Variants in GALNT13 observed in about 807,000 individuals in gnomAD.
The protein encoded by GALNT13 is polypeptide N-acetylgalactosaminyltransferase 13, also known as UDP-GalNAc:polypeptide N-acetylgalactosaminyltransferase 13.
A neutral mutation model predicts 64.2 loss-of-function variants in GALNT13; 28 were observed. The ratio of observed to expected loss-of-function variants is 0.44; its 90% CI spans 0.32 to 0.60. The LOEUF (loss-of-function observed/expected upper bound fraction) is 0.60, where lower values mean the gene tolerates loss of function less well. GALNT13 is among the 20% of genes least tolerant of loss of function. GALNT13 has a pLI of 0.05. For missense variants in GALNT13, 577 were observed against 669.8 expected, an observed-to-expected ratio of 0.86 and a Z score of 1.53; for synonymous variants, 214 against 224.6, an observed-to-expected ratio of 0.95 and a Z score of 0.42.
At chr2:154,102,759 T>G (rs936157427) in intron 3 of GALNT13, among the ~76,000 whole-genome samples, 1 of 152,196 alleles carries the variant, frequency 6.6e-6, no homozygotes, top group Non-Finnish European at 1.5e-5. Context: ...TAATATTGTC[T>G]TGCTGTCTCT....
the GALNT13 span, among the ~76,000 whole-genome samples, chr2:153,674,410 C>T: frequency 0.019 from 2,933 of 152,122 alleles, 47 homozygotes; most frequent in Middle Eastern, 0.048. Context: ...CATCTACAAC[C>T]GTCTGATCTT....
the GALNT13 span, among the ~76,000 whole-genome samples, chr2:153,693,379 T>C: frequency 3.3e-5 from 5 of 152,126 alleles, no homozygotes; most frequent in African/African-American, 9.7e-5. Flanking sequence ...TGTCAATGGG[T>C]TTTACCCTTC....
At chr2:153,260,501 G>A in the GALNT13 span, among the ~76,000 whole-genome samples, 3 of 152,086 alleles carry the variant, frequency 2.0e-5, no homozygotes, top group Non-Finnish European at 4.4e-5. Context: ...TTTTCCTTCA[G>A]TGCATTAAAT....
chr2:153,925,543 C>CT (rs1199426607), intron 2 of GALNT13, among the ~76,000 whole-genome samples: 1 of 131,920 alleles, frequency 7.6e-6, no homozygotes, highest in Non-Finnish European at 1.6e-5. Flanking sequence ...TATTTGAGCT[C>CT]TTTTTTGGTT....
chr2:154,380,570 A>G (rs144300932), intron 9 of GALNT13, among the ~76,000 whole-genome samples: 3 of 152,168 alleles, frequency 2.0e-5, no homozygotes, highest in South Asian at 2.1e-4. Context: ...AGATTTTCAT[A>G]AGATGAAAAA....
chr2:154,216,452 G>A lies in GALNT13; in HGVS notation c.312-25578G>A, dbSNP rs113306687. Among the ~76,000 whole-genome samples the A allele has an allele frequency of 6.7e-3, 1,020 of 152,074 alleles. 8 individuals are homozygous for A. The highest frequency in any genetic ancestry group is 0.024 in the African/African-American group (986 of 41,484). On this transcript the variant is annotated intron_variant, in intron 4 of 12. Transcript: ENST00000392825. Reference sequence around the variant, plus strand: ...TTGGTGAAGATGTAGTTGTTTTATAGATCCCATTTTCTCAATACGAAGCAA... The same window carrying A: ...TTGGTGAAGATGTAGTTGTTTTATAAATCCCATTTTCTCAATACGAAGCAA...
the GALNT13 span, among the ~76,000 whole-genome samples, chr2:153,634,235 A>G: frequency 5.9e-5 from 9 of 152,166 alleles, no homozygotes; most frequent in Non-Finnish European, 1.2e-4. Flanking sequence ...CTAAGAAAAT[A>G]AGCATAAGTA....
the GALNT13 span, among the ~76,000 whole-genome samples, chr2:153,533,416 T>C: frequency 6.6e-6 from 1 of 151,982 alleles, no homozygotes; most frequent in South Asian, 2.1e-4. Context: ...CACGTCCAGC[T>C]AATTTTTGTA....
At chr2:153,883,619 T>C (rs1480039742) in intron 1 of GALNT13, among the ~76,000 whole-genome samples, 1 of 152,050 alleles carries the variant, frequency 6.6e-6, no homozygotes, top group Non-Finnish European at 1.5e-5. Flanking sequence ...GTGAACAAAT[T>C]GTGTTGTTTC....
intron 4 of GALNT13, among the ~76,000 whole-genome samples, chr2:154,180,126 A>G (rs1284469006): frequency 6.6e-6 from 1 of 152,154 alleles, no homozygotes; most frequent in African/African-American, 2.4e-5. Flanking sequence ...CATAATACAG[A>G]TGGCATTGTA....
intron 4 of GALNT13, among the ~76,000 whole-genome samples, chr2:154,200,394 G>T (rs1687111665): frequency 6.6e-6 from 1 of 152,072 alleles, no homozygotes; most frequent in Admixed American, 6.6e-5. Flanking sequence ...TAGAAGAAAT[G>T]CCACTACATT....
chr2:153,635,454 G>GTATATATATATATACATA, the GALNT13 span, among the ~76,000 whole-genome samples: 1 of 145,544 alleles, frequency 6.9e-6, no homozygotes, highest in Non-Finnish European at 1.5e-5. Flanking sequence ...ACATATATAT[G>GTATATATATATATACATA]TATATGTGTA....
intron 3 of GALNT13, among the ~76,000 whole-genome samples, chr2:154,015,290 A>C (rs928472610): frequency 6.6e-6 from 1 of 152,230 alleles, no homozygotes; most frequent in Non-Finnish European, 1.5e-5. Flanking sequence ...TATTTGAAAA[A>C]ATAGCAATAT....
At chr2:153,196,905 C>T in the GALNT13 span, among the ~76,000 whole-genome samples, 8 of 152,198 alleles carry the variant, frequency 5.3e-5, no homozygotes, top group Non-Finnish European at 1.2e-4. Context: ...GCTCGTACCT[C>T]CCCACTGCAG....
At position 154,050,115 on chromosome 2, in the gene GALNT13, G is replaced by A. The variant is rs567625858; in HGVS notation, c.143-90222G>A. Among the ~76,000 whole-genome samples the A allele has an allele frequency of 1.1e-4, 17 of 152,096 alleles. No individual in the cohort carries two copies. The East Asian group carries it at 3.3e-3, about 29-fold the overall frequency. ...CTCTTTGTCCTGATTGTTTTATATA[G>A]TCAACATTGAAACTGAGAATAGAGA... On this transcript the variant is annotated intron_variant, in intron 3 of 12. Transcript: ENST00000392825.
At chr2:153,521,756 C>G in the GALNT13 span, among the ~76,000 whole-genome samples, 2 of 152,156 alleles carry the variant, frequency 1.3e-5, no homozygotes, top group East Asian at 3.9e-4. Flanking sequence ...ATAGTTTTAC[C>G]TTTCCTAGAA....
intron 1 of GALNT13, among the ~76,000 whole-genome samples, chr2:153,885,277 A>G (rs528632402): frequency 1.3e-5 from 2 of 152,002 alleles, no homozygotes; most frequent in Non-Finnish European, 2.9e-5. Context: ...CTTCTTAACA[A>G]TGATCTTCAG....
intron 11 of GALNT13, among the ~76,000 whole-genome samples, chr2:154,424,580 C>A (rs1700392241): frequency 6.6e-6 from 1 of 152,022 alleles, no homozygotes; most frequent in Non-Finnish European, 1.5e-5. Context: ...ACATTAAATT[C>A]TGCTCCCTGG....
chr2:153,882,369 C>CT lies in GALNT13; in HGVS notation c.-177+10067dup, dbSNP rs142705017. ...ATGAAATAGCCTTGTATTCACAACT[C>CT]TATTTTCTATGTAAACATCTCTATA... On this transcript the variant is annotated intron_variant, in intron 1 of 12. Coordinates refer to ENST00000392825, the MANE Select transcript of GALNT13 (RefSeq NM_052917.4). Among the ~76,000 whole-genome samples the CT allele has an allele frequency of 9.7e-3, 1,472 of 152,220 alleles. 24 individuals carry two copies. The highest frequency in any genetic ancestry group is 0.034 in the African/African-American group (1,394 of 41,560).
Sources: gnomAD v4.1 joint callset for allele counts (sites outside exome capture counted in the v4.1 genomes callset) on GRCh38, gnomAD v4.1.1 for gene constraint, MANE v1.5 for transcripts, NCBI Gene and HGNC (gene_info 2026-07-23, HGNC 2026-07-21) for gene names.